Variants in PPWD1 observed in about 807,000 individuals in gnomAD.
PPWD1 encodes the protein peptidylprolyl isomerase domain and WD repeat containing 1, also known as peptidylprolyl isomerase domain and WD repeat-containing protein 1.
PPWD1 carries 43 observed loss-of-function variants against 68.8 expected under a neutral mutation model. The observed-to-expected ratio is 0.62, with a 90% CI of 0.49 to 0.81. PPWD1 has a LOEUF of 0.81. Among genes scored for constraint, PPWD1 ranks in the 30% least tolerant of loss-of-function variants. PPWD1 has a pLI of 0.00. For missense variants in PPWD1, 672 were observed against 804.8 expected (o/e 0.83, Z 2.00); for synonymous variants, 232 against 258.7 (o/e 0.90, Z 0.99).
chr5:65,567,733 A>G (rs1266962574), intron 2 of PPWD1, 118 bp downstream of exon 2: 1 of 1,365,258 alleles, frequency 7.3e-7, no homozygotes, highest in Non-Finnish European at 9.5e-7. Flanking sequence ...TTAATTTCTT[A>G]AGTTCTGAAA....
intron 5 of PPWD1, among the ~76,000 whole-genome samples, chr5:65,573,416 C>T (rs190047136): frequency 7.0e-6 from 1 of 143,324 alleles, no homozygotes; most frequent in Non-Finnish European, 1.5e-5. Context: ...TCTCAGCTTC[C>T]CAAGTAGCTG....
intron 6 of PPWD1, among the ~76,000 whole-genome samples, chr5:65,578,762 ATATATATATACATATATATGTG>A (rs1341435491): frequency 1.9e-4 from 13 of 68,408 alleles, no homozygotes; most frequent in South Asian, 3.6e-4. Flanking sequence ...ATATATGTGT[ATATATATATACATATATATGTG>A]TATATATATA....
At chr5:65,577,372 T>A (rs1048455310) in intron 6 of PPWD1, among the ~76,000 whole-genome samples, 1 of 152,364 alleles carries the variant, frequency 6.6e-6, no homozygotes, top group Non-Finnish European at 1.5e-5. Context: ...ATTAGCCTGG[T>A]TCATGTTAAA....
chr5:65,567,222 T>C (rs1348393636), intron 1 of PPWD1, among the ~76,000 whole-genome samples: 1 of 152,036 alleles, frequency 6.6e-6, no homozygotes, highest in Non-Finnish European at 1.5e-5. Flanking sequence ...TAATAGAACA[T>C]TCACATTAAG....
chr5:65,572,412 A>G, intron 5 of PPWD1, 126 bp downstream of exon 5: 2 of 1,004,456 alleles, frequency 2.0e-6, no homozygotes, highest in Non-Finnish European at 2.8e-6. Context: ...TTAGCACATT[A>G]GAGATATTCA....
chr5:65,569,348 G>A (rs1041138266), intron 2 of PPWD1: 4 of 287,670 alleles, frequency 1.4e-5, no homozygotes, highest in African/African-American at 2.3e-5. Context: ...AATCCAAAGT[G>A]TAGTGATTCC....
At chr5:65,572,309 C>G in intron 5 of PPWD1, 23 bp downstream of exon 5, 1 of 1,546,306 alleles carries the variant, frequency 6.5e-7, no homozygotes, top group Non-Finnish European at 8.7e-7. Context: ...TAAATTTAAC[C>G]GTACTTTACT....
chr5:65,571,263 T>C (rs1752995534), intron 4 of PPWD1, among the ~76,000 whole-genome samples: 1 of 152,198 alleles, frequency 6.6e-6, no homozygotes, highest in African/African-American at 2.4e-5. Flanking sequence ...TTGAGTGTTT[T>C]AGTACAATTG....
intron 6 of PPWD1, 90 bp from the exon 7 acceptor site, chr5:65,579,334 A>G: frequency 7.2e-7 from 1 of 1,381,134 alleles, no homozygotes; most frequent in Admixed American, 3.1e-5. Context: ...CATAGATAAG[A>G]TAGTTGATTC....
chr5:65,565,807 C>CAAA (rs35080676), intron 1 of PPWD1, among the ~76,000 whole-genome samples: 7 of 103,374 alleles, frequency 6.8e-5, no homozygotes, highest in Non-Finnish European at 9.8e-5. Flanking sequence ...GACTCCGTCT[C>CAAA]AAAAAAAAAA....
chr5:65,584,248 C>T (rs144830174), intron 8 of PPWD1, among the ~76,000 whole-genome samples: 24 of 152,156 alleles, frequency 1.6e-4, no homozygotes, highest in Admixed American at 3.3e-4. Context: ...ATGTACTCTT[C>T]GGCCTTGTTT....
intron 7 of PPWD1, among the ~76,000 whole-genome samples, chr5:65,579,862 A>G (rs1753519205): frequency 6.6e-6 from 1 of 152,200 alleles, no homozygotes; most frequent in Admixed American, 6.5e-5. Context: ...GTTGTTTTAG[A>G]TAGTAGGAAG....
chr5:65,570,812 G>A (rs2150593388), intron 4 of PPWD1, among the ~76,000 whole-genome samples: 1 of 152,078 alleles, frequency 6.6e-6, no homozygotes, highest in East Asian at 1.9e-4. Context: ...CATCAGATTA[G>A]GACCCCACCC....
intron 9 of PPWD1, 96 bp downstream of exon 9, chr5:65,585,191 A>T: frequency 8.2e-7 from 1 of 1,225,394 alleles, no homozygotes; most frequent in Non-Finnish European, 1.1e-6. Flanking sequence ...ACACTTAATC[A>T]GTTTAGTGGA....
intron 2 of PPWD1, chr5:65,568,932 TAC>T (rs766231737): frequency 2.2e-6 from 1 of 455,880 alleles, no homozygotes; most frequent in Non-Finnish European, 4.4e-6. Context: ...TGGAAGGTAA[TAC>T]AGAGAATATA....
At chr5:65,583,003 A>G in intron 7 of PPWD1, 35 bp from the exon 8 acceptor site, 1 of 1,474,010 alleles carries the variant, frequency 6.8e-7, no homozygotes. Flanking sequence ...TGAAAACTTT[A>G]ATTCGTTGAC....
chr5:65,567,732 T>A (rs1319126314), intron 2 of PPWD1, 117 bp downstream of exon 2: 69 of 1,368,214 alleles, frequency 5.0e-5, no homozygotes, highest in Non-Finnish European at 6.4e-5. Context: ...TTTAATTTCT[T>A]AAGTTCTGAA....
In PPWD1 at chr5:65,587,118, G is replaced by T. The variant is rs143194443; in HGVS notation, c.1798-135G>T. The T allele has an allele frequency of 2.0e-5, 20 of 990,666 alleles. No individual in the cohort carries two copies. In the African/African-American group the frequency reaches 2.9e-4, roughly 14 times the overall value. 61.4% of individuals were successfully genotyped at this position (990,666 alleles called of 1,614,324 possible). On this transcript the variant is annotated intron_variant, in intron 10 of 10. Transcript: ENST00000261308. Reference sequence around the variant, plus strand: ...AAAGCTGCTACATTTTTATTGCTGAGAAATTATTGTACTTCTTTTTAAATA... The same window carrying T: ...AAAGCTGCTACATTTTTATTGCTGATAAATTATTGTACTTCTTTTTAAATA...
chr5:65,580,262 A>G (rs2150604590), intron 7 of PPWD1, among the ~76,000 whole-genome samples: 1 of 152,320 alleles, frequency 6.6e-6, no homozygotes, highest in East Asian at 1.9e-4. Context: ...GAACTTTTTA[A>G]GACCCAAACG....
Sources: allele counts gnomAD v4.1 joint callset (sites outside exome capture counted in the v4.1 genomes callset), GRCh38; gene constraint gnomAD v4.1.1; transcripts MANE v1.5; gene names NCBI Gene and HGNC (gene_info 2026-07-23, HGNC 2026-07-21).